Variants in URI1 observed in about 807,000 individuals in gnomAD.
The protein encoded by URI1 is unconventional prefoldin RPB5 interactor 1.
URI1 carries 39 observed loss-of-function variants against 60.2 expected under a neutral mutation model. That is an observed-to-expected ratio of 0.65 (90% CI 0.50 to 0.85). URI1 has a LOEUF of 0.85. URI1 is among the 40% of genes least tolerant of loss of function. The pLI is 0.00. For synonymous variants in URI1, 251 were observed against 236.8 expected, an observed-to-expected ratio of 1.06 and a Z score of -0.55; for missense variants, 691 against 665.9, an observed-to-expected ratio of 1.04 and a Z score of -0.42.
At chr19:29,945,543 A>C (rs1471540615) in intron 1 of URI1, among the ~76,000 whole-genome samples, 4 of 152,270 alleles carry the variant, frequency 2.6e-5, no homozygotes, top group African/African-American at 9.6e-5. Flanking sequence ...TTTCACTTAC[A>C]GTCAATGGTG....
At chr19:29,958,667 T>G (rs75560487) in intron 1 of URI1, among the ~76,000 whole-genome samples, 3 of 152,042 alleles carry the variant, frequency 2.0e-5, no homozygotes, top group Non-Finnish European at 4.4e-5. Flanking sequence ...TCTTTTTTTT[T>G]GATTAACTCT....
chr19:30,001,646 C>A (rs140972745), intron 4 of URI1, among the ~76,000 whole-genome samples: 1 of 151,912 alleles, frequency 6.6e-6, no homozygotes, highest in Admixed American at 6.6e-5. Context: ...TTTGGAAATA[C>A]TCTCAAGTGA....
chr19:29,964,459 G>GTTTTTTTTTTT (rs202018051), intron 1 of URI1, among the ~76,000 whole-genome samples: 3 of 133,350 alleles, frequency 2.2e-5, no homozygotes, highest in Admixed American at 7.5e-5. Context: ...TTTGTTTTTT[G>GTTTTTTTTTTT]TTTTGTTTTT....
intron 3 of URI1, among the ~76,000 whole-genome samples, chr19:29,985,711 A>G (rs2055659974): frequency 6.6e-6 from 1 of 152,168 alleles, no homozygotes; most frequent in Admixed American, 6.5e-5. Flanking sequence ...TTTTGTTTTA[A>G]TGATCTTCAC....
upstream of URI1, chr19:29,938,025 T>G (rs968155275): frequency 6.6e-6 from 1 of 152,146 alleles, no homozygotes; most frequent in African/African-American, 2.4e-5. Context: ...CTGTCTAATT[T>G]TTTGTATCTT....
At chr19:29,929,425 C>T (rs2054897067) in intron 1 of URI1, among the ~76,000 whole-genome samples, 1 of 151,926 alleles carries the variant, frequency 6.6e-6, no homozygotes, top group South Asian at 2.1e-4. Context: ...GGTGAAACCC[C>T]ATCTCTACTA....
At chr19:29,971,753 T>C (rs936643038) in intron 2 of URI1, among the ~76,000 whole-genome samples, 2 of 151,802 alleles carry the variant, frequency 1.3e-5, no homozygotes, top group African/African-American at 4.8e-5. Flanking sequence ...AATAGGACCA[T>C]GTTTGGTAAA....
intron 1 of URI1, among the ~76,000 whole-genome samples, chr19:29,945,677 A>G (rs2055094324): frequency 6.6e-6 from 1 of 152,224 alleles, no homozygotes; most frequent in Non-Finnish European, 1.5e-5. Context: ...TAAAAGTCTG[A>G]CATTGGGGGA....
chr19:29,934,665 C>T (rs148070367), intron 1 of URI1, among the ~76,000 whole-genome samples: 1,549 of 152,228 alleles, frequency 0.01, 14 homozygotes, highest in Non-Finnish European at 0.016. Context: ...CCTCCCAAGT[C>T]GCTGTGACTA....
chr19:29,952,046 G>A (rs2055186709), intron 1 of URI1, among the ~76,000 whole-genome samples: 1 of 152,180 alleles, frequency 6.6e-6, no homozygotes, highest in Admixed American at 6.5e-5. Context: ...CAAGCAGACA[G>A]TACTAAGGAA....
chr19:29,964,828 T>C (rs1249508982), intron 1 of URI1, among the ~76,000 whole-genome samples: 1 of 151,992 alleles, frequency 6.6e-6, no homozygotes, highest in African/African-American at 2.4e-5. Flanking sequence ...AATTTGACTT[T>C]TTTGTTACCT....
chr19:29,940,939 G>A (rs2055017052), upstream of URI1, among the ~76,000 whole-genome samples: 1 of 152,208 alleles, frequency 6.6e-6, no homozygotes, highest in Non-Finnish European at 1.5e-5. Context: ...TAGAAGAGAT[G>A]GTAACAATGG....
Position 30,016,458 on chromosome 19 carries a change from C to G in URI1, c.*1389C>G, listed in dbSNP as rs2056086986. The G allele has an allele frequency of 1.3e-5, 2 of 152,108 alleles. No individual in the cohort carries two copies. Among genetic ancestry groups the G allele is most frequent in the Non-Finnish European group, 2.9e-5 (2 of 67,954 alleles). 9.4% of individuals were successfully genotyped at this position (152,108 alleles called of 1,614,324 possible). A position where few individuals can be genotyped will look rare whatever the true frequency, so the allele number is the denominator to read the frequency against. ...AAAACCAAAGCAGAAATTACACACACAAAGATGCTCCCGTTAGGAATTGCT... is the reference window on the plus strand; with the variant it reads ...AAAACCAAAGCAGAAATTACACACAGAAAGATGCTCCCGTTAGGAATTGCT... On this transcript the variant is annotated 3_prime_UTR_variant, in exon 11 of 11. Coordinates refer to ENST00000392271, the MANE Select transcript of URI1 (RefSeq NM_003796.3).
chr19:29,999,964 C>A (rs938905584), intron 4 of URI1, among the ~76,000 whole-genome samples: 6 of 124,574 alleles, frequency 4.8e-5, no homozygotes, highest in African/African-American at 1.5e-4. Context: ...TTGGCATATC[C>A]TGTTTTTGTT....
In URI1 at chr19:29,985,299, A is replaced by G. The variant is rs2055653995; in HGVS notation, c.229A>G (p.Met77Val). ...TLPDKLSYNI[M>V]VPFGPFAFMP... ...GCCTGATAAATTGTCTTATAATATA[A>G]TGGTATGTTTGGTGTGTTTCTTTTA... is the stretch of plus-strand genomic sequence containing the variant. The change falls in exon 3 of 11, where the codon ATG (methionine) becomes GTG (valine). Residue 77 changes from methionine to valine, a missense_variant and splice_region_variant. Physicochemically the swap from Met to Val is conservative, Grantham distance 21. Transcript: ENST00000392271. The G allele has an allele frequency of 6.2e-7, 1 of 1,608,842 alleles. No homozygotes were observed. The highest frequency in any genetic ancestry group is 8.5e-7 in the Non-Finnish European group (1 of 1,176,076).
At chr19:29,979,578 T>G (rs1195589240) in intron 2 of URI1, among the ~76,000 whole-genome samples, 1 of 152,190 alleles carries the variant, frequency 6.6e-6, no homozygotes, top group Non-Finnish European at 1.5e-5. Flanking sequence ...GTTGAAAAGT[T>G]AAATTGAAGA....
chr19:29,927,163 G>A (rs970925248), intron 1 of URI1, among the ~76,000 whole-genome samples: 1 of 152,144 alleles, frequency 6.6e-6, no homozygotes, highest in African/African-American at 2.4e-5. Context: ...AATGGATTCT[G>A]GAGACTTTAT....
intron 4 of URI1, among the ~76,000 whole-genome samples, chr19:29,996,101 A>G (rs185158852): frequency 6.6e-6 from 1 of 151,942 alleles, no homozygotes; most frequent in Admixed American, 6.6e-5. Context: ...AACCCTTGAG[A>G]CTCCATGTGA....
At chr19:29,944,574 T>C (rs951299082) in intron 1 of URI1, among the ~76,000 whole-genome samples, 8 of 152,174 alleles carry the variant, frequency 5.3e-5, no homozygotes, top group Non-Finnish European at 8.8e-5. Flanking sequence ...TTGAGTTACA[T>C]TGGAAGAGAG....
Sources: gnomAD v4.1 joint callset for allele counts (sites outside exome capture counted in the v4.1 genomes callset) on GRCh38, gnomAD v4.1.1 for gene constraint, MANE v1.5 for transcripts, NCBI Gene and HGNC (gene_info 2026-07-23, HGNC 2026-07-21) for gene names.